The following THSD7B variants were observed in gnomAD, a reference collection of about 807,000 sequenced individuals.
THSD7B encodes the protein thrombospondin type-1 domain-containing protein 7B.
THSD7B carries 138 observed loss-of-function variants against 213.6 expected under a neutral mutation model. That is an observed-to-expected ratio of 0.65 (90% CI 0.56 to 0.74). THSD7B has a LOEUF of 0.74. THSD7B is among the 30% of genes least tolerant of loss of function. The pLI, the probability that THSD7B is intolerant of heterozygous loss-of-function variation, is 0.00. For missense variants in THSD7B, 1,931 were observed against 1,991.5 expected, an observed-to-expected ratio of 0.97 and a Z score of 0.58; for synonymous variants, 742 against 687.0, an observed-to-expected ratio of 1.08 and a Z score of -1.25.
intron 7 of THSD7B, among the ~76,000 whole-genome samples, chr2:137,203,690 A>G (rs1680923742): frequency 6.6e-6 from 1 of 152,084 alleles, no homozygotes; most frequent in African/African-American, 2.4e-5. Flanking sequence ...ACTTCAAAAC[A>G]TCAATAAGGA....
chr2:137,338,539 A>T (rs1349828851), intron 12 of THSD7B, among the ~76,000 whole-genome samples: 1 of 152,120 alleles, frequency 6.6e-6, no homozygotes, highest in African/African-American at 2.4e-5. Context: ...AATGCTACTT[A>T]TAAGTCTACA....
chr2:137,359,953 G>A (rs913399226), intron 12 of THSD7B, among the ~76,000 whole-genome samples: 6 of 152,156 alleles, frequency 3.9e-5, no homozygotes, highest in African/African-American at 7.2e-5. Flanking sequence ...TTGTAATACA[G>A]AAATCTTAAT....
intron 1 of THSD7B, among the ~76,000 whole-genome samples, chr2:136,767,226 A>G (rs563077097): frequency 6.6e-6 from 1 of 152,302 alleles, no homozygotes; most frequent in East Asian, 1.9e-4. Flanking sequence ...AACCAAATCA[A>G]GAAGTCTTAC....
chr2:137,655,766 AT>A, intron 22 of THSD7B, 106 bp downstream of exon 22: 2 of 1,297,450 alleles, frequency 1.5e-6, no homozygotes, highest in Non-Finnish European at 2.1e-6. Context: ...AAGTTTTTAA[AT>A]AACTTTAATT....
intron 1 of THSD7B, among the ~76,000 whole-genome samples, chr2:136,847,443 G>T (rs1683029444): frequency 6.6e-6 from 1 of 152,150 alleles, no homozygotes; most frequent in African/African-American, 2.4e-5. Context: ...AAGTTTGGGG[G>T]TGATTTCTGT....
At chr2:136,795,873 A>T (rs1056092264) in intron 1 of THSD7B, among the ~76,000 whole-genome samples, 2 of 151,928 alleles carry the variant, frequency 1.3e-5, no homozygotes, top group Admixed American at 1.3e-4. Flanking sequence ...ATTATAGTTT[A>T]TCTTGAATTA....
intron 5 of THSD7B, among the ~76,000 whole-genome samples, chr2:137,134,055 G>A (rs2104956939): frequency 6.6e-6 from 1 of 152,296 alleles, no homozygotes; most frequent in East Asian, 1.9e-4. Context: ...GCATGGATAT[G>A]AGATGTAAGT....
chr2:137,210,182 G>T (rs1277642443), intron 7 of THSD7B, among the ~76,000 whole-genome samples: 1 of 152,048 alleles, frequency 6.6e-6, no homozygotes, highest in African/African-American at 2.4e-5. Context: ...GGTAGTCCAA[G>T]AAAATTAACA....
intron 2 of THSD7B, among the ~76,000 whole-genome samples, chr2:136,911,782 C>G (rs1684262371): frequency 6.6e-6 from 1 of 152,182 alleles, no homozygotes; most frequent in Admixed American, 6.5e-5. Context: ...ACTACTACTA[C>G]AAGAGAGCGC....
At chr2:137,200,666 A>G (rs1315489639) in intron 7 of THSD7B, among the ~76,000 whole-genome samples, 1 of 151,398 alleles carries the variant, frequency 6.6e-6, no homozygotes, top group Non-Finnish European at 1.5e-5. Context: ...TTTTTTTTTT[A>G]ATTTAAGAAA....
At chr2:137,076,818 T>G (rs771575626) in intron 3 of THSD7B, among the ~76,000 whole-genome samples, 71 of 151,546 alleles carry the variant, frequency 4.7e-4, no homozygotes, top group Admixed American at 1.3e-3. Flanking sequence ...TGTTTATTTG[T>G]TTTTTTTTAA....
intron 2 of THSD7B, among the ~76,000 whole-genome samples, chr2:136,896,617 GC>G (rs1180461297): frequency 1.3e-5 from 2 of 151,908 alleles, no homozygotes; most frequent in African/African-American, 2.4e-5. Flanking sequence ...AGAAATCTTT[GC>G]CCTGTTCAGA....
chr2:137,518,654 GTGGACACCAC>G (rs1680120085), intron 15 of THSD7B, among the ~76,000 whole-genome samples: 1 of 152,184 alleles, frequency 6.6e-6, no homozygotes, highest in Admixed American at 6.5e-5. Flanking sequence ...GACCTGTTCT[GTGGACACCAC>G]TCATCCTTTT....
intron 1 of THSD7B, among the ~76,000 whole-genome samples, chr2:136,817,019 T>A (rs1682485326): frequency 6.6e-6 from 1 of 152,130 alleles, no homozygotes; most frequent in Non-Finnish European, 1.5e-5. Context: ...AAGGTTAGAG[T>A]AGATTCTAGG....
intron 14 of THSD7B, among the ~76,000 whole-genome samples, chr2:137,414,277 AAAG>A (rs1236373897): frequency 6.6e-6 from 1 of 152,208 alleles, no homozygotes; most frequent in Non-Finnish European, 1.5e-5. Flanking sequence ...ATTTTCAAAA[AAAG>A]GTTTTTTAAA....
intron 2 of THSD7B, among the ~76,000 whole-genome samples, chr2:136,894,481 T>C (rs4954446): frequency 0.11 from 16,494 of 152,214 alleles, 1,092 homozygotes; most frequent in Middle Eastern, 0.17. Context: ...CTTATGCCTC[T>C]ACCTTCTCAT....
intron 12 of THSD7B, among the ~76,000 whole-genome samples, chr2:137,391,427 G>A (rs926267134): frequency 6.6e-6 from 1 of 152,010 alleles, no homozygotes; most frequent in African/African-American, 2.4e-5. Flanking sequence ...AGTGGCTCAT[G>A]CCTGTAATCC....
chr2:137,230,449 A>C (rs1407239980), intron 7 of THSD7B, among the ~76,000 whole-genome samples: 1 of 152,168 alleles, frequency 6.6e-6, no homozygotes, highest in Admixed American at 6.5e-5. Flanking sequence ...GGGAATATTA[A>C]ATGTATTAGG....
chr2:137,443,314 T>C (rs1197732437), intron 14 of THSD7B, among the ~76,000 whole-genome samples: 1 of 152,144 alleles, frequency 6.6e-6, no homozygotes, highest in African/African-American at 2.4e-5. Context: ...ATACATTTAG[T>C]TGTGGCAAGT....
Sources: allele counts gnomAD v4.1 joint callset (sites outside exome capture counted in the v4.1 genomes callset), GRCh38; gene constraint gnomAD v4.1.1; transcripts MANE v1.5; gene names NCBI Gene and HGNC (gene_info 2026-07-23, HGNC 2026-07-21).